The following NDUFS6 variants were observed in gnomAD, a reference collection of about 807,000 sequenced individuals.
The protein encoded by NDUFS6 is NADH:ubiquinone oxidoreductase subunit S6, also known as NADH dehydrogenase [ubiquinone] iron-sulfur protein 6, mitochondrial.
NDUFS6 carries 14 observed loss-of-function variants against 13.2 expected under a neutral mutation model. That is an observed-to-expected ratio of 1.06 (90% CI 0.70 to 1.66). The LOEUF is 1.66. Among genes scored for constraint, NDUFS6 ranks in the 40% most tolerant of loss-of-function variants. NDUFS6 has a pLI of 0.00. For missense variants in NDUFS6, 206 were observed against 170.8 expected (o/e 1.21, Z -1.15); for synonymous variants, 95 against 72.3 (o/e 1.31, Z -1.60).
At chr5:1,815,307 G>A (rs906752455) in intron 3 of NDUFS6, among the ~76,000 whole-genome samples, 1 of 152,014 alleles carries the variant, frequency 6.6e-6, no homozygotes, top group African/African-American at 2.4e-5. Context: ...CGACAGTGGA[G>A]CACTCAGGGA....
At position 1,802,373 on chromosome 5, in the gene NDUFS6, A is replaced by G; in HGVS notation, c.185A>G (p.Glu62Gly). The change falls in exon 2 of 4, where the codon GAG becomes GGG. Residue 62 changes from glutamate to glycine, a missense_variant and splice_region_variant. By Grantham distance (98) the Glu-to-Gly change is moderately conservative (BLOSUM62 -2). Transcript: ENST00000274137. ...ATTCGGTTTGTAGGTCGTCAGAAAG[A>G]GGTGAGTAAAAAATCTAGTGAAGAG... ...RRIRFVGRQKEVNENFAIDLI... is the reference protein window; with the variant it reads ...RRIRFVGRQKGVNENFAIDLI... 1 of 1,613,790 alleles carries G rather than the reference A, an allele frequency of 6.2e-7. No homozygotes were observed. Among genetic ancestry groups the G allele is most frequent in the East Asian group, 2.2e-5 (1 of 44,866 alleles).
At chr5:1,810,386 C>T (rs1158453519) in intron 2 of NDUFS6, among the ~76,000 whole-genome samples, 4 of 152,252 alleles carry the variant, frequency 2.6e-5, no homozygotes, top group Non-Finnish European at 2.9e-5. Flanking sequence ...CAGATGCCGG[C>T]GCTCTACTTC....
rs554450225 is a variant in NDUFS6 at position 1,812,899 on chromosome 5, A to C, written c.187-1440A>C. 8.9e-4 allele frequency among the ~76,000 whole-genome samples: 135 copies of C among 152,220 alleles called. 1 individual carries two copies. The highest frequency in any genetic ancestry group is 2.7e-3 in the African/African-American group (113 of 41,568). On this transcript the variant is annotated intron_variant, in intron 2 of 3. Transcript: ENST00000274137. ...GAAACCCTGTCTCTACTAAAAATAC[A>C]AAAATTAGTCGGACGTGGTGGCGGG...
At chr5:1,807,422 G>A (rs1734144594) in intron 2 of NDUFS6, among the ~76,000 whole-genome samples, 1 of 152,142 alleles carries the variant, frequency 6.6e-6, no homozygotes, top group African/African-American at 2.4e-5. Context: ...AAGATGGCAA[G>A]TTTTATGTTA....
intron 2 of NDUFS6, 100 bp downstream of exon 2, chr5:1,802,474 C>T: frequency 1.0e-6 from 1 of 1,001,222 alleles, no homozygotes; most frequent in Non-Finnish European, 1.5e-6. Flanking sequence ...TAAATTTTCC[C>T]CATATTGCAA....
chr5:1,814,955 T>C lies in NDUFS6; in HGVS notation c.309+494T>C, dbSNP rs144972454. 3.4e-4 allele frequency among the ~76,000 whole-genome samples: 52 copies of C among 152,228 alleles called. No homozygotes were observed. In the East Asian group the frequency reaches 3.5e-3, roughly 10 times the overall value. On this transcript the variant is annotated intron_variant, in intron 3 of 3. Transcript: ENST00000274137. The surrounding 1 kb of genome is among the most constrained non-coding windows in gnomAD (Gnocchi z 4.9). ...GTGGGAGACTCCTCATCCCCTCTTC[T>C]TATAAGGGCACCAGGCAGATTGGCT...
At chr5:1,802,155 C>T (rs1734056207) in intron 1 of NDUFS6, 166 bp from the exon 2 acceptor site, 1 of 624,058 alleles carries the variant, frequency 1.6e-6, no homozygotes. Context: ...CCAGGTATCT[C>T]GCTAAAAATG....
chr5:1,804,476 C>T (rs1340957797), intron 2 of NDUFS6, among the ~76,000 whole-genome samples: 1 of 152,236 alleles, frequency 6.6e-6, no homozygotes, highest in South Asian at 2.1e-4. Context: ...TGGTTGTGAC[C>T]TCAACGCTCC....
At chr5:1,801,802 G>C (rs2111345263) in intron 1 of NDUFS6, among the ~76,000 whole-genome samples, 1 of 152,266 alleles carries the variant, frequency 6.6e-6, no homozygotes, top group East Asian at 1.9e-4. Flanking sequence ...GGCAGCACTT[G>C]CTGTGGACTG....
chr5:1,801,684 C>G (rs1219786006), intron 1 of NDUFS6, 135 bp downstream of exon 1: 7 of 1,352,886 alleles, frequency 5.2e-6, no homozygotes, highest in Non-Finnish European at 6.9e-6. Flanking sequence ...TGCTGTCGCT[C>G]ACGCGCCGGG....
chr5:1,811,190 A>G (rs1025171788), intron 2 of NDUFS6, among the ~76,000 whole-genome samples: 8 of 152,224 alleles, frequency 5.3e-5, no homozygotes, highest in African/African-American at 1.7e-4. Context: ...CATTTATGTT[A>G]TTGGCAAACA....
At chr5:1,805,519 G>T (rs1734109575) in intron 2 of NDUFS6, among the ~76,000 whole-genome samples, 1 of 152,206 alleles carries the variant, frequency 6.6e-6, no homozygotes, top group South Asian at 2.1e-4. Context: ...GGGCCTGCCT[G>T]TGAGGAGACT....
chr5:1,815,708 G>C, intron 3 of NDUFS6, 143 bp from the exon 4 acceptor site: 1 of 889,770 alleles, frequency 1.1e-6, no homozygotes, highest in South Asian at 1.4e-5. Context: ...AACCGAGATC[G>C]ACAGTCTGCA....
chr5:1,803,654 T>G (rs1292825187), intron 2 of NDUFS6, among the ~76,000 whole-genome samples: 1 of 152,242 alleles, frequency 6.6e-6, no homozygotes, highest in African/African-American at 2.4e-5. Context: ...GTGCTCTTTC[T>G]CTCCATCCTC....
intron 2 of NDUFS6, among the ~76,000 whole-genome samples, chr5:1,807,482 GC>G (rs531368411): frequency 7.3e-4 from 111 of 152,306 alleles, no homozygotes; most frequent in Non-Finnish European, 1.3e-3. Context: ...GTGGCTTCAG[GC>G]CCACGCAGGA....
At position 1,815,948 on chromosome 5, in the gene NDUFS6, C is replaced by G; in HGVS notation, c.*32C>G. Reference sequence around the variant, plus strand: ...TGGCACGCCGGGGGTCCCGCAGCATCCTGTGAGCATTTCCGCGGGGAAGCT... The same window carrying G: ...TGGCACGCCGGGGGTCCCGCAGCATGCTGTGAGCATTTCCGCGGGGAAGCT... On this transcript the variant is annotated 3_prime_UTR_variant, in exon 4 of 4. Coordinates refer to ENST00000274137, the MANE Select transcript of NDUFS6 (RefSeq NM_004553.6). 1 of 1,612,978 alleles carries G rather than the reference C, an allele frequency of 6.2e-7. No individual in the cohort carries two copies. The highest frequency in any genetic ancestry group is 8.5e-7 in the Non-Finnish European group (1 of 1,178,904).
chr5:1,807,134 G>GAGGTACTCAGAGGTACTGCGTA lies in NDUFS6; in HGVS notation c.186+4781_186+4782insAAGGTACTCAGAGGTACTGCGT, dbSNP rs1734137524. Among the ~76,000 whole-genome samples the GAGGTACTCAGAGGTACTGCGTA allele has an allele frequency of 2.0e-5, 3 of 152,184 alleles. No homozygotes were observed. In the South Asian group the frequency reaches 6.2e-4, roughly 32 times the overall value. On this transcript the variant is annotated intron_variant, in intron 2 of 3. Transcript: ENST00000274137. ...TATGAGGTACTCAGAGGTACTGCGT[G>GAGGTACTCAGAGGTACTGCGTA]AGGTACTCAGAGGTACTGCGTGAGG... is the stretch of plus-strand genomic sequence containing the variant.
At chr5:1,809,808 C>A (rs945518816) in intron 2 of NDUFS6, among the ~76,000 whole-genome samples, 2 of 152,244 alleles carry the variant, frequency 1.3e-5, no homozygotes, top group African/African-American at 2.4e-5. Context: ...CACTCCAGAG[C>A]CCTCTGTAAG....
intron 2 of NDUFS6, among the ~76,000 whole-genome samples, chr5:1,806,521 A>G (rs911919900): frequency 2.0e-5 from 3 of 152,198 alleles, no homozygotes; most frequent in African/African-American, 4.8e-5. Flanking sequence ...CGCGGTGCAA[A>G]TGTCTACCTG....
Sources: gnomAD v4.1 joint callset for allele counts (sites outside exome capture counted in the v4.1 genomes callset) on GRCh38, gnomAD v4.1.1 for gene constraint, Gnocchi (gnomAD v3.1) non-coding constraint, MANE v1.5 for transcripts, NCBI Gene and HGNC (gene_info 2026-07-23, HGNC 2026-07-21) for gene names.